Variants in PPARD observed in about 807,000 individuals in gnomAD.
PPARD encodes the protein peroxisome proliferator-activated receptor delta.
PPARD carries 6 observed loss-of-function variants against 39.5 expected under a neutral mutation model. The observed-to-expected ratio is 0.15, with a 90% CI of 0.08 to 0.30. The LOEUF (loss-of-function observed/expected upper bound fraction) is 0.30, where lower values mean the gene tolerates loss of function less well. Ranked by LOEUF, PPARD falls within the 10% of genes least tolerant of loss-of-function variation. The pLI is 1.00. For missense variants in PPARD, 397 were observed against 596.8 expected, an observed-to-expected ratio of 0.67 and a Z score of 3.49; for synonymous variants, 210 against 231.3, an observed-to-expected ratio of 0.91 and a Z score of 0.83.
At chr6:35,415,757 G>A (rs1302221622) in intron 3 of PPARD, among the ~76,000 whole-genome samples, 1 of 119,670 alleles carries the variant, frequency 8.4e-6, no homozygotes, top group Non-Finnish European at 1.6e-5. Context: ...TATTAGTCAG[G>A]GTTCTCCAGA....
chr6:35,385,000 G>A (rs1475346498), intron 2 of PPARD, among the ~76,000 whole-genome samples: 4 of 142,330 alleles, frequency 2.8e-5, no homozygotes, highest in East Asian at 2.1e-4. Flanking sequence ...CGCCCCGTCC[G>A]GGAGGGAGGT....
chr6:35,354,099 G>T (rs1184653776), intron 2 of PPARD, among the ~76,000 whole-genome samples: 1 of 151,750 alleles, frequency 6.6e-6, no homozygotes, highest in African/African-American at 2.4e-5. Context: ...GGGCGTGGTG[G>T]TGGGCGCCTG....
chr6:35,411,124 G>A lies in PPARD; in HGVS notation c.37G>A (p.Glu13Lys). ...ACAGGAGGAAGCCCCTGAGGTCCGGGAAGAGGAGGAGAAAGAGGAAGTGGC... is the reference window on the plus strand; with the variant it reads ...ACAGGAGGAAGCCCCTGAGGTCCGGAAAGAGGAGGAGAAAGAGGAAGTGGC... ...QPQEEAPEVREEEEKEEVAEA... is the reference protein window; with the variant it reads ...QPQEEAPEVRKEEEKEEVAEA... The change falls in exon 3 of 8, where the codon GAA (glutamate) becomes AAA (lysine). Residue 13 changes from glutamate (E) to lysine (K), a missense_variant. Glu to Lys is a moderately conservative substitution (Grantham distance 56). Coordinates refer to ENST00000360694, the MANE Select transcript of PPARD (RefSeq NM_006238.5). The A allele has an allele frequency of 6.3e-7, 1 of 1,586,486 alleles. No individual in the cohort carries two copies. The highest frequency in any genetic ancestry group is 8.6e-7 in the Non-Finnish European group (1 of 1,165,332).
intron 2 of PPARD, among the ~76,000 whole-genome samples, chr6:35,403,949 G>A (rs1039503575): frequency 1.3e-5 from 2 of 152,210 alleles, no homozygotes; most frequent in Admixed American, 1.3e-4. Flanking sequence ...AGGCAGGGAC[G>A]AGAGCCTGTG....
chr6:35,364,850 C>T (rs185422089), intron 2 of PPARD, among the ~76,000 whole-genome samples: 5 of 151,996 alleles, frequency 3.3e-5, no homozygotes, highest in African/African-American at 1.2e-4. Flanking sequence ...GCTGGGACTA[C>T]AGGCGCATGC....
At chr6:35,409,329 A>G (rs1171575126) in intron 2 of PPARD, among the ~76,000 whole-genome samples, 1 of 151,838 alleles carries the variant, frequency 6.6e-6, no homozygotes, top group Non-Finnish European at 1.5e-5. Context: ...ACATAGCAAA[A>G]CCTTATCCCT....
intron 1 of PPARD, among the ~76,000 whole-genome samples, chr6:35,346,308 C>G (rs1165706632): frequency 6.6e-6 from 1 of 152,150 alleles, no homozygotes; most frequent in African/African-American, 2.4e-5. Flanking sequence ...TTGGAAATTG[C>G]AGGACACAGC....
At chr6:35,369,656 A>G (rs1431265548) in intron 2 of PPARD, among the ~76,000 whole-genome samples, 1 of 152,252 alleles carries the variant, frequency 6.6e-6, no homozygotes, top group Non-Finnish European at 1.5e-5. Flanking sequence ...CAATTTGAAT[A>G]TAGTTTTCAA....
chr6:35,417,728 C>A (rs1765871514), intron 3 of PPARD, among the ~76,000 whole-genome samples: 1 of 152,046 alleles, frequency 6.6e-6, no homozygotes, highest in South Asian at 2.1e-4. Context: ...GATGGGGTTT[C>A]ACCATGTTGG....
rs965091325 is a variant in PPARD at position 35,412,778 on chromosome 6, G to A, written c.130+1561G>A. Among the ~76,000 whole-genome samples, 5 of 152,180 alleles carry A rather than the reference G, an allele frequency of 3.3e-5. No homozygotes were observed. In the South Asian group the frequency reaches 1.0e-3, roughly 31 times the overall value. The stretch of plus-strand genomic sequence containing the variant: ...AAAGTGAAGGTGTCCGCCATTCCCC[G>A]AGTAAGCAACTTCCTGTCTATTGGC... On this transcript the variant is annotated intron_variant, in intron 3 of 7. Transcript: ENST00000360694. This position sits in a 1 kb window ranked among gnomAD's most constrained non-coding sequence, Gnocchi z 4.1.
At chr6:35,387,563 A>G (rs563938481) in intron 2 of PPARD, among the ~76,000 whole-genome samples, 3 of 151,640 alleles carry the variant, frequency 2.0e-5, no homozygotes, top group South Asian at 2.1e-4. Context: ...TTTTCCATGC[A>G]CGCTCTCATG....
intron 2 of PPARD, among the ~76,000 whole-genome samples, chr6:35,395,729 A>G (rs954246201): frequency 6.6e-6 from 1 of 152,180 alleles, no homozygotes; most frequent in African/African-American, 2.4e-5. Flanking sequence ...TTAGCATTAG[A>G]GTTCAGGAAT....
At chr6:35,419,714 A>G (rs1766014259) in intron 3 of PPARD, among the ~76,000 whole-genome samples, 1 of 152,206 alleles carries the variant, frequency 6.6e-6, no homozygotes, top group Non-Finnish European at 1.5e-5. Flanking sequence ...TATGGGCCAC[A>G]CGGTGGCAAC....
rs9658117 is a variant in PPARD at position 35,397,634 on chromosome 6, G to T, written c.-101-13353G>T. 6.9e-4 allele frequency: 557 copies of T among 805,246 alleles called. 17 individuals carry two copies. In the East Asian group the frequency reaches 0.05, roughly 72 times the overall value. 49.9% of individuals were successfully genotyped at this position (805,246 alleles called of 1,614,324 possible). A position where few individuals can be genotyped will look rare whatever the true frequency, so the allele number is the denominator to read the frequency against. On this transcript the variant is annotated intron_variant, in intron 2 of 7. Transcript: ENST00000360694. ...ACGTCTTTTTGCAATTATGCCAGTTGCTCCTCTGATACTTGAGGGTTATGT... is the reference window on the plus strand; with the variant it reads ...ACGTCTTTTTGCAATTATGCCAGTTTCTCCTCTGATACTTGAGGGTTATGT...
At chr6:35,408,476 C>G (rs1470786906) in intron 2 of PPARD, among the ~76,000 whole-genome samples, 1 of 152,198 alleles carries the variant, frequency 6.6e-6, no homozygotes, top group Non-Finnish European at 1.5e-5. Flanking sequence ...GTGAACATTT[C>G]CTGTGCTCTG....
chr6:35,416,871 A>G (rs1351629122), intron 3 of PPARD, among the ~76,000 whole-genome samples: 2 of 151,876 alleles, frequency 1.3e-5, no homozygotes, highest in African/African-American at 2.4e-5. Flanking sequence ...TAGTTTTCTT[A>G]TCTCTTTCTC....
chr6:35,386,151 C>G (rs1332452640), intron 2 of PPARD, among the ~76,000 whole-genome samples: 2 of 152,012 alleles, frequency 1.3e-5, no homozygotes, highest in Non-Finnish European at 2.9e-5. Context: ...GGAGGTCATC[C>G]AGGACCTCCA....
intron 2 of PPARD, among the ~76,000 whole-genome samples, chr6:35,360,138 C>T (rs1349054857): frequency 2.6e-5 from 4 of 152,118 alleles, no homozygotes; most frequent in African/African-American, 9.7e-5. Flanking sequence ...TGAGAATAGT[C>T]GTGCATACTG....
At chr6:35,380,476 GTTTTTTTTT>G (rs71002557) in intron 2 of PPARD, among the ~76,000 whole-genome samples, 39 of 67,146 alleles carry the variant, frequency 5.8e-4, no homozygotes, top group Admixed American at 2.8e-3. Context: ...TTTTTTGTTT[GTTTTTTTTT>G]TTTTTTTTTT....
Sources: allele counts gnomAD v4.1 joint callset (sites outside exome capture counted in the v4.1 genomes callset), GRCh38; gene constraint gnomAD v4.1.1; non-coding constraint Gnocchi (gnomAD v3.1); transcripts MANE v1.5; gene names NCBI Gene and HGNC (gene_info 2026-07-23, HGNC 2026-07-21).